The following PCDHGA4 variants were observed in gnomAD, a reference collection of about 807,000 sequenced individuals.
PCDHGA4 encodes protocadherin gamma subfamily A, 4, also known as protocadherin gamma-A4.
Under a neutral mutation model 54.6 loss-of-function variants are expected in PCDHGA4, and 38 were observed. That is an observed-to-expected ratio of 0.70 (90% CI 0.54 to 0.91). The LOEUF is 0.91. Ranked by LOEUF, PCDHGA4 falls within the 40% of genes least tolerant of loss-of-function variation. PCDHGA4 has a pLI of 0.00. For synonymous variants in PCDHGA4, 511 were observed against 512.9 expected, an observed-to-expected ratio of 1.00 and a Z score of 0.05; for missense variants, 1,298 against 1,220.9, an observed-to-expected ratio of 1.06 and a Z score of -0.94.
chr5:141,401,106 G>A (rs1259844433), intron 1 of PCDHGA4, among the ~76,000 whole-genome samples: 5 of 152,208 alleles, frequency 3.3e-5, no homozygotes, highest in African/African-American at 9.6e-5. Context: ...CACTTTGGGA[G>A]GCCGAGGCGG....
chr5:141,485,151 T>G lies in PCDHGA4; in HGVS notation c.2515-9656T>G. The G allele has an allele frequency of 2.5e-6, 4 of 1,584,876 alleles. No individual in the cohort carries two copies. Among genetic ancestry groups the G allele is most frequent in the Non-Finnish European group, 3.5e-6 (4 of 1,156,528 alleles). ...GCTTCATCCGCGTCTCAGGAGCAAG[T>G]AGAGAATTAGCGGGCGGCAGCAATG... On this transcript the variant is annotated intron_variant, in intron 1 of 3. Coordinates refer to ENST00000571252, the MANE Select transcript of PCDHGA4 (RefSeq NM_018917.4). The surrounding 1 kb of genome is among the most constrained non-coding windows in gnomAD (Gnocchi z 5.7).
chr5:141,368,191 A>G (rs1765525656), intron 1 of PCDHGA4, among the ~76,000 whole-genome samples: 1 of 152,206 alleles, frequency 6.6e-6, no homozygotes, highest in Admixed American at 6.5e-5. Flanking sequence ...AAATAAGGGG[A>G]AAAGGTAATA....
chr5:141,405,037 G>C (rs756524085), intron 1 of PCDHGA4: 5 of 1,613,856 alleles, frequency 3.1e-6, no homozygotes, highest in Non-Finnish European at 4.2e-6. Flanking sequence ...ACCTCGTTGT[G>C]GCTGTGGCAG....
intron 1 of PCDHGA4, chr5:141,382,918 G>T: frequency 2.6e-6 from 4 of 1,558,926 alleles, no homozygotes; most frequent in Non-Finnish European, 3.5e-6. Context: ...TCAGCCGAGG[G>T]GCGGGGACTA....
chr5:141,392,741 C>T, intron 1 of PCDHGA4: 1 of 1,435,876 alleles, frequency 7.0e-7, no homozygotes. Context: ...ATCTCCATAG[C>T]TGCGGCAAGA....
chr5:141,430,587 T>C, intron 1 of PCDHGA4: 1 of 521,996 alleles, frequency 1.9e-6, no homozygotes, highest in Non-Finnish European at 3.1e-6. Context: ...CCTGCTCGCC[T>C]TGCACGCGCC....
chr5:141,376,611 C>G lies in PCDHGA4; in HGVS notation c.2514+18990C>G. 2.1e-6 allele frequency: 3 copies of G among 1,439,262 alleles called. No individual in the cohort carries two copies. The East Asian group carries it at 7.3e-5, about 35-fold the overall frequency. The allele number at this position is 1,439,262 out of a possible 1,614,324, so 89.2% of individuals were successfully genotyped here. A position where few individuals can be genotyped will look rare whatever the true frequency, so the allele number is the denominator to read the frequency against. On this transcript the variant is annotated intron_variant, in intron 1 of 3. Coordinates refer to ENST00000571252, the MANE Select transcript of PCDHGA4 (RefSeq NM_018917.4). ...GATCGGCTGTTATAGAAGCGAACCT[C>G]TTTTGGTACAGGAAGATTCGTGATT...
chr5:141,415,507 A>G, intron 1 of PCDHGA4: 1 of 1,614,156 alleles, frequency 6.2e-7, no homozygotes, highest in Admixed American at 1.7e-5. Context: ...CCCCCAGCCC[A>G]ATTATGCGGA....
chr5:141,385,378 C>G, intron 1 of PCDHGA4: 3 of 1,519,118 alleles, frequency 2.0e-6, no homozygotes, highest in Non-Finnish European at 2.6e-6. Flanking sequence ...TGATATTTCT[C>G]TATTATTTTG....
chr5:141,500,871 T>C (rs2154592764), intron 2 of PCDHGA4, among the ~76,000 whole-genome samples: 1 of 135,840 alleles, frequency 7.4e-6, no homozygotes, highest in African/African-American at 3.0e-5. Context: ...TACACATTCA[T>C]TTACAATTTT....
Position 141,432,169 on chromosome 5 carries a change from C to T in PCDHGA4, c.2515-62638C>T. On this transcript the variant is annotated intron_variant, in intron 1 of 3. Transcript: ENST00000571252. The surrounding 1 kb of genome is among the most constrained non-coding windows in gnomAD (Gnocchi z 6.0). ...CAGAGAACAATCCCAGAGGAGTTTCCCTCGTCTCTGTGACCGCCCACGACC... is the reference window on the plus strand; with the variant it reads ...CAGAGAACAATCCCAGAGGAGTTTCTCTCGTCTCTGTGACCGCCCACGACC... The T allele has an allele frequency of 6.2e-7, 1 of 1,614,204 alleles. No homozygotes were observed. The highest frequency in any genetic ancestry group is 1.6e-4 in the Middle Eastern group (1 of 6,062).
chr5:141,370,342 AT>A lies in PCDHGA4; in HGVS notation c.2514+12724del, dbSNP rs1766823822. ...TCCTGCTCGGAGAACTCTTGGGATTATTTAAAGATCTCCTCTCCTCGGATTT... is the reference window on the plus strand; with the variant it reads ...TCCTGCTCGGAGAACTCTTGGGATTATTAAAGATCTCCTCTCCTCGGATTT... On this transcript the variant is annotated intron_variant, in intron 1 of 3. Coordinates refer to ENST00000571252, the MANE Select transcript of PCDHGA4 (RefSeq NM_018917.4). 37 of 1,476,030 alleles carry A rather than the reference AT, an allele frequency of 2.5e-5. 2 individuals carry two copies. The South Asian group carries it at 5.1e-4, about 20-fold the overall frequency. The allele number at this position is 1,476,030 out of a possible 1,614,324, so 91.4% of individuals were successfully genotyped here. A position where few individuals can be genotyped will look rare whatever the true frequency, so the allele number is the denominator to read the frequency against.
rs1187072972 is a variant in PCDHGA4 at position 141,487,553 on chromosome 5, C to T, written c.2515-7254C>T. 4 of 1,614,050 alleles carry T rather than the reference C, an allele frequency of 2.5e-6. No individual in the cohort carries two copies. The African/African-American group carries it at 4.0e-5, about 16-fold the overall frequency. On this transcript the variant is annotated intron_variant, in intron 1 of 3. Coordinates refer to ENST00000571252, the MANE Select transcript of PCDHGA4 (RefSeq NM_018917.4). The surrounding 1 kb of genome is among the most constrained non-coding windows in gnomAD (Gnocchi z 5.0). ...CATGATGGTGAAGTCACCCAGTGCA[C>T]CTATGGCAGGGGAGCCTGTTCGCCC...
In PCDHGA4 at chr5:141,491,737, G is replaced by A; in HGVS notation, c.2515-3070G>A. The A allele has an allele frequency of 6.2e-7, 1 of 1,600,586 alleles. No homozygotes were observed. Among genetic ancestry groups the A allele is most frequent in the Non-Finnish European group, 8.5e-7 (1 of 1,174,266 alleles). On this transcript the variant is annotated intron_variant, in intron 1 of 3. Coordinates refer to ENST00000571252, the MANE Select transcript of PCDHGA4 (RefSeq NM_018917.4). This position sits in a 1 kb window ranked among gnomAD's most constrained non-coding sequence, Gnocchi z 6.9. ...GGCGCCGCCCCGGGCGACCCCTGGG[G>A]GCGGCACTGGAGAAGCCGCCCGTCC...
At chr5:141,495,984 ATC>A (rs2099765081) in intron 2 of PCDHGA4, among the ~76,000 whole-genome samples, 1 of 149,246 alleles carries the variant, frequency 6.7e-6, no homozygotes, top group East Asian at 2.0e-4. Context: ...CTCTTTCTTT[ATC>A]TCTCTTTTTC....
At chr5:141,362,149 T>G (rs759063405) in intron 1 of PCDHGA4, 2 of 1,614,036 alleles carry the variant, frequency 1.2e-6, no homozygotes, top group South Asian at 2.2e-5. Flanking sequence ...GCAAGAGGTA[T>G]TGCCAGACCT....
chr5:141,410,847 G>GTATTTT, intron 1 of PCDHGA4: 1 of 158,250 alleles, frequency 6.3e-6, no homozygotes, highest in Non-Finnish European at 1.0e-5. Flanking sequence ...TTTTGTCTTT[G>GTATTTT]TCTTTTTTTT....
intron 1 of PCDHGA4, chr5:141,408,971 C>A: frequency 6.2e-7 from 1 of 1,613,816 alleles, no homozygotes; most frequent in Non-Finnish European, 8.5e-7. Context: ...AAATCTGCCC[C>A]CTGGGTCCCC....
In PCDHGA4 at chr5:141,415,292, G is replaced by T. The variant is rs778092218; in HGVS notation, c.2514+57671G>T. The T allele has an allele frequency of 1.7e-5, 28 of 1,614,082 alleles. No individual in the cohort carries two copies. Among genetic ancestry groups the T allele is most frequent in the Non-Finnish European group, 2.3e-5 (27 of 1,180,046 alleles). Reference sequence around the variant, plus strand: ...GTGGTAGCGGTGGCCGCGGTCTCCTGCGTCTTCCTGGCCTTCGTCATCGTG... The same window carrying T: ...GTGGTAGCGGTGGCCGCGGTCTCCTTCGTCTTCCTGGCCTTCGTCATCGTG... On this transcript the variant is annotated intron_variant, in intron 1 of 3. Coordinates refer to ENST00000571252, the MANE Select transcript of PCDHGA4 (RefSeq NM_018917.4).
Sources: gnomAD v4.1 joint callset for allele counts (sites outside exome capture counted in the v4.1 genomes callset) on GRCh38, gnomAD v4.1.1 for gene constraint, Gnocchi (gnomAD v3.1) non-coding constraint, MANE v1.5 for transcripts, NCBI Gene and HGNC (gene_info 2026-07-23, HGNC 2026-07-21) for gene names.